Variants in XPNPEP3 observed in about 807,000 individuals in gnomAD.
XPNPEP3 encodes X-prolyl aminopeptidase 3.
A neutral mutation model predicts 60.0 loss-of-function variants in XPNPEP3; 41 were observed. The ratio of observed to expected loss-of-function variants is 0.68; its 90% CI spans 0.53 to 0.89. The LOEUF (loss-of-function observed/expected upper bound fraction) is 0.89, where lower values mean the gene tolerates loss of function less well. Among genes scored for constraint, XPNPEP3 ranks in the 40% least tolerant of loss-of-function variants. The pLI is 0.00. For synonymous variants in XPNPEP3, 212 were observed against 223.2 expected, an observed-to-expected ratio of 0.95 and a Z score of 0.45; for missense variants, 598 against 638.9, an observed-to-expected ratio of 0.94 and a Z score of 0.69.
chr22:40,878,353 C>T (rs1201912221), intron 2 of XPNPEP3, among the ~76,000 whole-genome samples: 3 of 152,032 alleles, frequency 2.0e-5, no homozygotes, highest in East Asian at 1.9e-4. Context: ...AAATATTTCT[C>T]ATGTAGTCAA....
At chr22:40,897,496 G>T (rs1285803917) in intron 4 of XPNPEP3, among the ~76,000 whole-genome samples, 13 of 151,112 alleles carry the variant, frequency 8.6e-5, no homozygotes, top group African/African-American at 2.7e-4. Context: ...TGGTGAGTCT[G>T]TGTTGTTTTT....
Position 40,932,674 on chromosome 22 carries a change from G to T in XPNPEP3, c.*6239G>T, listed in dbSNP as rs775934164. ...TTTCTTAATGCTTTCCATGACTTTTGTGCAATTATATAAGTTCAGTTTAGA... is the reference window on the plus strand; with the variant it reads ...TTTCTTAATGCTTTCCATGACTTTTTTGCAATTATATAAGTTCAGTTTAGA... On this transcript the variant is annotated 3_prime_UTR_variant, in exon 10 of 10. Transcript: ENST00000357137. The T allele has an allele frequency of 2.0e-5, 3 of 152,048 alleles. No individual in the cohort carries two copies. Among genetic ancestry groups the T allele is most frequent in the Non-Finnish European group, 2.9e-5 (2 of 68,016 alleles). The allele number at this position is 152,048 out of a possible 1,614,324, so 9.4% of individuals were successfully genotyped here.
At chr22:40,906,983 T>C (rs568859001) in intron 4 of XPNPEP3, 2 of 444,208 alleles carry the variant, frequency 4.5e-6, no homozygotes, top group African/African-American at 4.0e-5. Flanking sequence ...TGGTCACTTA[T>C]CCCATCTATG....
At chr22:40,918,881 C>T (rs1276306802) in intron 7 of XPNPEP3, among the ~76,000 whole-genome samples, 1 of 141,972 alleles carries the variant, frequency 7.0e-6, no homozygotes, top group Non-Finnish European at 1.5e-5. Flanking sequence ...CTTGCTCTGT[C>T]GCCCAGGCTG....
rs61410755 is a variant in XPNPEP3 at position 40,932,337 on chromosome 22, GTTTT to G, written c.*5912_*5915del. The G allele has an allele frequency of 1.4e-5, 2 of 143,822 alleles. No individual in the cohort carries two copies. The highest frequency in any genetic ancestry group is 5.0e-5 in the African/African-American group (2 of 39,686). The allele number at this position is 143,822 out of a possible 1,614,324, so 8.9% of individuals were successfully genotyped here. A position where few individuals can be genotyped will look rare whatever the true frequency, so the allele number is the denominator to read the frequency against. ...GAAGAGGTTTTTATGGTGTGATTGT[GTTTT>G]TTTTTTTTTAATTTTTGTTTCCTGA... is the stretch of plus-strand genomic sequence containing the variant. On this transcript the variant is annotated 3_prime_UTR_variant, in exon 10 of 10. Transcript: ENST00000357137.
At chr22:40,886,547 C>G in intron 4 of XPNPEP3, 32 bp downstream of exon 4, 1 of 1,605,364 alleles carries the variant, frequency 6.2e-7, no homozygotes, top group Non-Finnish European at 8.5e-7. Context: ...TTTTTCCAGC[C>G]GGGCGCGGTG....
chr22:40,861,407 G>A lies in XPNPEP3; in HGVS notation c.64+4162G>A, dbSNP rs769561101. On this transcript the variant is annotated intron_variant, in intron 1 of 9. Transcript: ENST00000357137. ...TAATTTTCTTTGTATTAATATTTCT[G>A]CCATTAACGATTTTGTCTGAAGTTG... The A allele has an allele frequency of 9.3e-6, 15 of 1,613,544 alleles. No homozygotes were observed. The South Asian group carries it at 1.6e-4, about 18-fold the overall frequency.
At position 40,914,218 on chromosome 22, in the gene XPNPEP3, A is replaced by T. The variant is rs372472039; in HGVS notation, c.970-21A>T. 1.8e-3 allele frequency: 2,860 copies of T among 1,605,442 alleles called. 76 individuals carry two copies. In the South Asian group the frequency reaches 0.03, roughly 17 times the overall value. ...TATAATCATGAGCTTATCCACTTTA[A>T]CCTGTCTTACTTTGTTCCAGGATGG... On this transcript the variant is annotated intron_variant, in intron 6 of 9. Transcript: ENST00000357137.
intron 4 of XPNPEP3, among the ~76,000 whole-genome samples, chr22:40,900,075 T>G (rs1210708434): frequency 1.3e-5 from 2 of 151,336 alleles, no homozygotes; most frequent in Non-Finnish European, 2.9e-5. Context: ...ACAAATTAAA[T>G]AAATACATAA....
At chr22:40,873,474 G>A (rs1307048000) in intron 2 of XPNPEP3, among the ~76,000 whole-genome samples, 13 of 151,970 alleles carry the variant, frequency 8.6e-5, no homozygotes, top group Admixed American at 8.5e-4. Flanking sequence ...TGTGTGGCAT[G>A]AAATATAAGA....
chr22:40,928,218 T>C lies in XPNPEP3; in HGVS notation c.*1783T>C, dbSNP rs1338603943. 6.6e-6 allele frequency: 1 copy of C among 151,026 alleles called. No homozygotes were observed. Among genetic ancestry groups the C allele is most frequent in the African/African-American group, 2.4e-5 (1 of 41,048 alleles). 9.4% of individuals were successfully genotyped at this position (151,026 alleles called of 1,614,324 possible). On this transcript the variant is annotated 3_prime_UTR_variant, in exon 10 of 10. Transcript: ENST00000357137. ...TCATACTTCTTTTTTTTTTTTTTTT[T>C]TGGAGACAGAGTCTCGCTCTGTCGC...
intron 4 of XPNPEP3, among the ~76,000 whole-genome samples, chr22:40,893,936 A>G (rs1034331816): frequency 1.3e-5 from 2 of 152,074 alleles, no homozygotes; most frequent in African/African-American, 4.8e-5. Context: ...TTCTTCATCC[A>G]TTTTGAGGAC....
intron 4 of XPNPEP3, among the ~76,000 whole-genome samples, chr22:40,895,770 T>C (rs528890889): frequency 1.6e-4 from 24 of 152,330 alleles, no homozygotes; most frequent in Non-Finnish European, 2.9e-4. Flanking sequence ...TTTTTATCCC[T>C]TTCACAGCAG....
At chr22:40,861,349 T>A (rs1347239733) in intron 1 of XPNPEP3, 1 of 1,614,062 alleles carries the variant, frequency 6.2e-7, no homozygotes, top group East Asian at 2.2e-5. Flanking sequence ...AACTCTCCAT[T>A]ATCTTCAGCT....
At chr22:40,880,767 G>A (rs915783251) in intron 2 of XPNPEP3, among the ~76,000 whole-genome samples, 4 of 147,486 alleles carry the variant, frequency 2.7e-5, no homozygotes, top group Non-Finnish European at 5.9e-5. Flanking sequence ...TTCAGCCTGG[G>A]AGATAGCGAG....
chr22:40,921,812 A>G (rs143603676), intron 7 of XPNPEP3, among the ~76,000 whole-genome samples: 2 of 152,222 alleles, frequency 1.3e-5, no homozygotes, highest in East Asian at 1.9e-4. Context: ...GTGAGAATAC[A>G]TATCATGTAT....
intron 7 of XPNPEP3, among the ~76,000 whole-genome samples, chr22:40,921,408 T>C (rs1294069048): frequency 6.6e-6 from 1 of 151,708 alleles, no homozygotes; most frequent in African/African-American, 2.4e-5. Context: ...TAAAGACACT[T>C]TGGGAGGCCA....
rs988875221 is a variant in XPNPEP3, at chr22:40,869,215, C to T, written c.181+100C>T. ...AGTAAGCTCTGGATCTGTGCTGTTC[C>T]ATAAGGTAGCCACTAACCTCACATG... On this transcript the variant is annotated intron_variant, in intron 2 of 9. Transcript: ENST00000357137. 4 of 1,061,658 alleles carry T rather than the reference C, an allele frequency of 3.8e-6. No homozygotes were observed. The African/African-American group carries it at 4.7e-5, about 12-fold the overall frequency. 65.8% of individuals were successfully genotyped at this position (1,061,658 alleles called of 1,614,324 possible). A position where few individuals can be genotyped will look rare whatever the true frequency, so the allele number is the denominator to read the frequency against.
chr22:40,898,650 A>G (rs1364171960), intron 4 of XPNPEP3, among the ~76,000 whole-genome samples: 1 of 152,128 alleles, frequency 6.6e-6, no homozygotes, highest in Non-Finnish European at 1.5e-5. Flanking sequence ...TTTCTTTTAT[A>G]AAGTCCTAAA....
Sources: allele counts gnomAD v4.1 joint callset (sites outside exome capture counted in the v4.1 genomes callset), GRCh38; gene constraint gnomAD v4.1.1; transcripts MANE v1.5; gene names NCBI Gene and HGNC (gene_info 2026-07-23, HGNC 2026-07-21).